The following KMT2A variants were observed in gnomAD, a reference collection of about 807,000 sequenced individuals.
KMT2A encodes histone-lysine N-methyltransferase 2A.
In KMT2A, 16 loss-of-function variants were observed where a neutral mutation model predicts 345.3. The observed-to-expected ratio is 0.05, with a 90% confidence interval of 0.03 to 0.07. The LOEUF is 0.07. KMT2A is among the 10% of genes least tolerant of loss of function. The pLI is 1.00. For missense variants in KMT2A, 3,272 were observed against 4,841.6 expected (o/e 0.68, Z 9.62); for synonymous variants, 1,599 against 1,778.6 (o/e 0.90, Z 2.54).
intron 1 of KMT2A, among the ~76,000 whole-genome samples, chr11:118,454,182 CA>C (rs1949596277): frequency 6.6e-6 from 1 of 152,154 alleles, no homozygotes; most frequent in Non-Finnish European, 1.5e-5. Context: ...ACTCTGGTAT[CA>C]AATCCTATTC....
In KMT2A at chr11:118,502,535, C is replaced by T; in HGVS notation, c.6643C>T (p.Pro2215Ser). Residue 2215 changes from proline (P) to serine (S), a missense_variant, in exon 27 of 36, where the codon CCA (proline) becomes TCA (serine). Transcript: ENST00000534358. This position sits in a 1 kb window ranked among gnomAD's most constrained non-coding sequence, Gnocchi z 4.9. ...PQRSKLRIMS[P>S]MRTGNTYSRN... is the part of the protein sequence containing the mutation. ...GCGGTCCAAACTCCGGATAATGTCT[C>T]CAATGAGAACTGGGAATACTTACTC... is the stretch of plus-strand genomic sequence containing the variant. The T allele has an allele frequency of 6.2e-7, 1 of 1,614,114 alleles. No homozygotes were observed. Among genetic ancestry groups the T allele is most frequent in the East Asian group, 2.2e-5 (1 of 44,884 alleles).
In KMT2A at chr11:118,505,136, A is replaced by G. The variant is rs782675823; in HGVS notation, c.9244A>G (p.Ile3082Val). 6.2e-7 allele frequency: 1 copy of G among 1,614,180 alleles called. No individual in the cohort carries two copies. The highest frequency in any genetic ancestry group is 1.1e-5 in the South Asian group (1 of 91,084). The stretch of plus-strand genomic sequence containing the variant: ...CCTGAAGCCAGCCACTGAGAAACTC[A>G]TAGTTGTTAACCAGAACATGCAGCC... ...PHLKPATEKL[I>V]VVNQNMQPLY... The change falls in exon 27 of 36, where the codon ATA (isoleucine) becomes GTA (valine). Residue 3082 changes from isoleucine to valine, a missense_variant. Transcript: ENST00000534358. The surrounding 1 kb of genome is among the most constrained non-coding windows in gnomAD (Gnocchi z 4.6).
At chr11:118,460,756 T>C (rs1949730509) in intron 1 of KMT2A, among the ~76,000 whole-genome samples, 1 of 152,214 alleles carries the variant, frequency 6.6e-6, no homozygotes, top group Non-Finnish European at 1.5e-5. Context: ...AGCCTTGAAC[T>C]CCTGGTCTCC....
At chr11:118,511,318 A>G (rs1555050026) in intron 30 of KMT2A, among the ~76,000 whole-genome samples, 1 of 152,194 alleles carries the variant, frequency 6.6e-6, no homozygotes, top group Non-Finnish European at 1.5e-5. Flanking sequence ...AGAGTCAAAG[A>G]TGACCCTAAA....
chr11:118,474,284 G>A lies in KMT2A; in HGVS notation c.3125G>A (p.Ser1042Asn). ...AQLCKIEKSK[S>N]LKQTDQPKAQ... ...CTCTGCAAGATTGAGAAGAGTAAGA[G>A]TCTTAAACAAACCGACCAGCCCAAA... is the stretch of plus-strand genomic sequence containing the variant. Residue 1042 changes from serine (S) to asparagine (N), a missense_variant, in exon 3 of 36, where the codon AGT (serine) becomes AAT (asparagine). Physicochemically the swap from Ser to Asn is conservative, Grantham distance 46 (BLOSUM62 1). Coordinates refer to ENST00000534358, the MANE Select transcript of KMT2A (RefSeq NM_001197104.2). 6.2e-7 allele frequency: 1 copy of A among 1,613,978 alleles called. No homozygotes were observed. Among genetic ancestry groups the A allele is most frequent in the Non-Finnish European group, 8.5e-7 (1 of 1,179,958 alleles).
chr11:118,474,376 GT>G, intron 3 of KMT2A, 61 bp downstream of exon 3: 1 of 1,548,802 alleles, frequency 6.5e-7, no homozygotes, highest in South Asian at 1.2e-5. Context: ...CTATGGGCAA[GT>G]TTTAGGCTAA....
Position 118,495,241 on chromosome 11 carries a change from C to T in KMT2A, c.5364-459C>T, listed in dbSNP as rs3132786. On this transcript the variant is annotated intron_variant, in intron 18 of 35. Transcript: ENST00000534358. The surrounding 1 kb of genome is among the most constrained non-coding windows in gnomAD (Gnocchi z 4.1). ...TGACATGATCTCGGCTCACTACAACCTCCGCCTCCCTGGTTCAAGCGATTC... is the reference window on the plus strand; with the variant it reads ...TGACATGATCTCGGCTCACTACAACTTCCGCCTCCCTGGTTCAAGCGATTC... Among the ~76,000 whole-genome samples, 108,073 of 151,432 alleles carry T rather than the reference C, an allele frequency of 0.71. 39,971 individuals carry two copies. Among genetic ancestry groups the T allele is most frequent in the Admixed American group, 0.85 (12,892 of 15,240 alleles).
Position 118,488,769 on chromosome 11 carries a change from C to T in KMT2A, c.4479+9C>T, listed in dbSNP as rs1311105491. On this transcript the variant is annotated intron_variant, in intron 11 of 35. Transcript: ENST00000534358. ...AACATCAGGCTACAAAGGTACAAAA[C>T]TTGGTAATAGAACTACAGCTGGGCC... 2.5e-6 allele frequency: 4 copies of T among 1,613,580 alleles called. No homozygotes were observed. Among genetic ancestry groups the T allele is most frequent in the Non-Finnish European group, 3.4e-6 (4 of 1,179,832 alleles).
In KMT2A at chr11:118,472,831, T is replaced by A; in HGVS notation, c.1672T>A (p.Ser558Thr). The change falls in exon 3 of 36, where the codon TCC becomes ACC. Residue 558 changes from serine to threonine, a missense_variant. Ser to Thr is a moderately conservative substitution (Grantham distance 58). Around this residue, in one of 27 missense-constraint regions of KMT2A, gnomAD observed 180 missense variants for 190.7 expected, o/e 0.94. Coordinates refer to ENST00000534358, the MANE Select transcript of KMT2A (RefSeq NM_001197104.2). Reference protein sequence around the residue: ...TLQSAPQQQTSSSPPPPLLTP... With the variant: ...TLQSAPQQQTTSSPPPPLLTP... ...ACAAAGTGCCCCCCAGCAGCAGACC[T>A]CCTCGTCTCCACCTCCACCTCTGCT... is the stretch of plus-strand genomic sequence containing the variant. The A allele has an allele frequency of 6.2e-7, 1 of 1,613,616 alleles. No individual in the cohort carries two copies.
rs782372675 is a variant in KMT2A at position 118,505,524 on chromosome 11, G to C, written c.9632G>C (p.Ser3211Thr). 6.2e-7 allele frequency: 1 copy of C among 1,614,142 alleles called. No individual in the cohort carries two copies. Among genetic ancestry groups the C allele is most frequent in the Non-Finnish European group, 8.5e-7 (1 of 1,180,026 alleles). The change falls in exon 27 of 36, where the codon AGT becomes ACT. Residue 3211 changes from serine to threonine, a missense_variant. Physicochemically the swap from Ser to Thr is moderately conservative, Grantham distance 58. Coordinates refer to ENST00000534358, the MANE Select transcript of KMT2A (RefSeq NM_001197104.2). The surrounding 1 kb of genome is among the most constrained non-coding windows in gnomAD (Gnocchi z 4.6). ...VSESSQRTDLSTTVATPSSGL... is the reference protein window; with the variant it reads ...VSESSQRTDLTTTVATPSSGL... ...GAATCCAGCCAGAGGACAGACCTCA[G>C]TACCACAGTAGCCACTCCATCCTCT...
rs189237793 is a variant in KMT2A at position 118,452,260 on chromosome 11, G to C, written c.432+15316G>C. ...AGTATGTAATAGCTTTTTCAGTCAG[G>C]CATGGTGGCTCACACCTGTAATGCC... is the stretch of plus-strand genomic sequence containing the variant. On this transcript the variant is annotated intron_variant, in intron 1 of 35. Coordinates refer to ENST00000534358, the MANE Select transcript of KMT2A (RefSeq NM_001197104.2). 3.3e-5 allele frequency among the ~76,000 whole-genome samples: 5 copies of C among 152,282 alleles called. No individual in the cohort carries two copies. The South Asian group carries it at 1.0e-3, about 32-fold the overall frequency.
chr11:118,491,863 C>G lies in KMT2A; in HGVS notation c.4939C>G (p.Leu1647Val), dbSNP rs961012809. The G allele has an allele frequency of 1.1e-5, 17 of 1,614,000 alleles. No individual in the cohort carries two copies. Among genetic ancestry groups the G allele is most frequent in the Non-Finnish European group, 1.4e-5 (17 of 1,180,032 alleles). Residue 1647 changes from leucine (L) to valine (V), a missense_variant, in exon 15 of 36, where the codon CTG becomes GTG. Around this residue, in one of 27 missense-constraint regions of KMT2A, gnomAD observed 66 missense variants for 80.1 expected, o/e 0.82. Transcript: ENST00000534358. This position sits in a 1 kb window ranked among gnomAD's most constrained non-coding sequence, Gnocchi z 4.2. ...CCTTGAAAAAGAGCTGCAGATTTCT[C>G]TGAAGCAAGTTCTGACAGCTTTGTT... ...LALEKELQIS[L>V]KQVLTALLNS...
intron 1 of KMT2A, 80 bp downstream of exon 1, chr11:118,437,024 A>C: frequency 2.2e-6 from 3 of 1,335,614 alleles, no homozygotes; most frequent in Non-Finnish European, 2.9e-6. Context: ...GGGATTGAGG[A>C]GCATCCCAAT....
chr11:118,511,000 A>C lies in KMT2A; in HGVS notation c.11071+882A>C, dbSNP rs1950676289. Reference sequence around the variant, plus strand: ...GTCAGGTGAGATGGCATTGAAATCCATGTGAGGTAATAGTGAAAGAGAAAA... The same window carrying C: ...GTCAGGTGAGATGGCATTGAAATCCCTGTGAGGTAATAGTGAAAGAGAAAA... On this transcript the variant is annotated intron_variant, in intron 30 of 35. Transcript: ENST00000534358. The surrounding 1 kb of genome is among the most constrained non-coding windows in gnomAD (Gnocchi z 4.1). Among the ~76,000 whole-genome samples the C allele has an allele frequency of 6.6e-6, 1 of 152,162 alleles. No homozygotes were observed. Among genetic ancestry groups the C allele is most frequent in the South Asian group, 2.1e-4 (1 of 4,832 alleles).
In KMT2A at chr11:118,525,290, T is replaced by C. The variant is rs1416193889; in HGVS notation, c.*3118T>C. On this transcript the variant is annotated 3_prime_UTR_variant, in exon 36 of 36. Coordinates refer to ENST00000534358, the MANE Select transcript of KMT2A (RefSeq NM_001197104.2). ...CAGTTCTCAGTGAGAGCCAGCTCAC[T>C]TATAGCTTTGCTGCTAGAACCTGTT... 1 of 228,936 alleles carries C rather than the reference T, an allele frequency of 4.4e-6. No individual in the cohort carries two copies. The highest frequency in any genetic ancestry group is 8.7e-6 in the Non-Finnish European group (1 of 115,476). The allele number at this position is 228,936 out of a possible 1,614,324, so 14.2% of individuals were successfully genotyped here. A position where few individuals can be genotyped will look rare whatever the true frequency, so the allele number is the denominator to read the frequency against.
rs1382293796 is a variant in KMT2A at position 118,498,988 on chromosome 11, CT to C, written c.5962-311del. 6.6e-6 allele frequency among the ~76,000 whole-genome samples: 1 copy of C among 152,196 alleles called. No homozygotes were observed. Among genetic ancestry groups the C allele is most frequent in the East Asian group, 1.9e-4 (1 of 5,198 alleles). On this transcript the variant is annotated intron_variant, in intron 22 of 35. Coordinates refer to ENST00000534358, the MANE Select transcript of KMT2A (RefSeq NM_001197104.2). The surrounding 1 kb of genome is among the most constrained non-coding windows in gnomAD (Gnocchi z 4.4). The stretch of plus-strand genomic sequence containing the variant: ...TAGTTGGAATCATATAGTACATAGC[CT>C]TTTCAGACTGGCTTCTTCTGCATAG...
At chr11:118,462,488 A>G (rs1949763735) in intron 1 of KMT2A, among the ~76,000 whole-genome samples, 2 of 152,182 alleles carry the variant, frequency 1.3e-5, no homozygotes. Flanking sequence ...GCTTCAAGAA[A>G]TCAATCAATA....
chr11:118,504,016 G>A lies in KMT2A; in HGVS notation c.8124G>A (p.Glu2708=), dbSNP rs1024411683. The change falls in exon 27 of 36, where the codon GAG becomes GAA. Residue 2708 remains glutamate (E), a synonymous_variant. Transcript: ENST00000534358. The surrounding 1 kb of genome is among the most constrained non-coding windows in gnomAD (Gnocchi z 6.4). The stretch of plus-strand genomic sequence containing the variant: ...TGGCATCCCATAATTTATTTCGGGA[G>A]GAGGAACAGTGTGATCTTCCAAAAA... ...ERLASHNLFR[E]EEQCDLPKIS... 2 of 1,614,186 alleles carry A rather than the reference G, an allele frequency of 1.2e-6. No homozygotes were observed. The highest frequency in any genetic ancestry group is 1.7e-6 in the Non-Finnish European group (2 of 1,180,012).
At chr11:118,515,680 T>TA (rs1950795963) in intron 31 of KMT2A, among the ~76,000 whole-genome samples, 1 of 112,516 alleles carries the variant, frequency 8.9e-6, no homozygotes, top group Non-Finnish European at 1.8e-5. Flanking sequence ...TCTTTTTCTG[T>TA]CCTTTTTTTT....
Sources: allele counts gnomAD v4.1 joint callset (sites outside exome capture counted in the v4.1 genomes callset), GRCh38; gene constraint gnomAD v4.1.1; regional missense constraint gnomAD v4.1.1; non-coding constraint Gnocchi (gnomAD v3.1); transcripts MANE v1.5; gene names NCBI Gene and HGNC (gene_info 2026-07-23, HGNC 2026-07-21).